Variants in FHIT observed in about 807,000 individuals in gnomAD.
FHIT encodes the protein fragile histidine triad diadenosine triphosphatase.
Under a neutral mutation model 17.9 loss-of-function variants are expected in FHIT, and 19 were observed. The ratio of observed to expected loss-of-function variants is 1.06; its 90% confidence interval spans 0.74 to 1.56. The LOEUF (loss-of-function observed/expected upper bound fraction) is 1.56. FHIT is among the 40% of genes most tolerant of loss of function. The probability of loss-of-function intolerance (pLI) is 0.00; values close to 1 mark genes in which losing one functional copy is unlikely to be tolerated. For synonymous variants in FHIT, 81 were observed against 69.7 expected (o/e 1.16, Z -0.81); for missense variants, 248 against 189.2 (o/e 1.31, Z -1.82).
intron 3 of FHIT, among the ~76,000 whole-genome samples, chr3:60,934,932 C>G (rs953714188): frequency 2.6e-5 from 4 of 152,110 alleles, no homozygotes; most frequent in Non-Finnish European, 5.9e-5. Context: ...GGAAAGTGCC[C>G]CTCCTGGCTC....
intron 5 of FHIT, among the ~76,000 whole-genome samples, chr3:60,147,176 A>T (rs1183313163): frequency 6.6e-6 from 1 of 152,174 alleles, no homozygotes; most frequent in East Asian, 1.9e-4. Context: ...AATGAATCCA[A>T]CCAGGAGGAA....
At chr3:59,935,440 A>C (rs1263163036) in intron 7 of FHIT, among the ~76,000 whole-genome samples, 2 of 152,080 alleles carry the variant, frequency 1.3e-5, no homozygotes, top group Non-Finnish European at 2.9e-5. Context: ...AGACTCTTTC[A>C]GGCTTTTCTG....
chr3:60,178,172 C>T (rs761666579), intron 5 of FHIT, among the ~76,000 whole-genome samples: 4 of 152,202 alleles, frequency 2.6e-5, no homozygotes, highest in Non-Finnish European at 5.9e-5. Flanking sequence ...AGAGCCAAGT[C>T]AACTTCCAAT....
intron 7 of FHIT, among the ~76,000 whole-genome samples, chr3:60,006,175 G>A (rs558574494): frequency 4.2e-4 from 64 of 152,246 alleles, no homozygotes; most frequent in African/African-American, 1.4e-3. Context: ...AAAAATGTTC[G>A]GACAGAGAGG....
intron 5 of FHIT, among the ~76,000 whole-genome samples, chr3:60,159,456 C>G (rs1167527014): frequency 6.6e-6 from 1 of 152,062 alleles, no homozygotes; most frequent in Non-Finnish European, 1.5e-5. Flanking sequence ...GTAAGATTCT[C>G]TCCCCCATAC....
chr3:61,020,260 G>C (rs1575849670), intron 3 of FHIT, among the ~76,000 whole-genome samples: 1 of 152,126 alleles, frequency 6.6e-6, no homozygotes, highest in East Asian at 1.9e-4. Context: ...TCTCATTGTA[G>C]TTCTGATTTG....
At chr3:60,410,876 T>C (rs142651810) in intron 5 of FHIT, among the ~76,000 whole-genome samples, 4 of 152,238 alleles carry the variant, frequency 2.6e-5, no homozygotes, top group African/African-American at 9.6e-5. Context: ...GCCCAAGATC[T>C]TTCTCTTTCC....
chr3:59,899,916 C>T (rs1479532860), intron 8 of FHIT, among the ~76,000 whole-genome samples: 7 of 152,148 alleles, frequency 4.6e-5, no homozygotes, highest in African/African-American at 1.2e-4. Flanking sequence ...AGTTGGCAAA[C>T]GTTTTCTATA....
chr3:60,525,152 G>A (rs975059957), intron 5 of FHIT, among the ~76,000 whole-genome samples: 16 of 152,120 alleles, frequency 1.1e-4, no homozygotes, highest in East Asian at 3.9e-4. Context: ...GGATCACTCC[G>A]GCTGCTGCCA....
intron 4 of FHIT, among the ~76,000 whole-genome samples, chr3:60,581,008 T>C (rs2037733037): frequency 6.6e-6 from 1 of 152,026 alleles, no homozygotes; most frequent in South Asian, 2.1e-4. Context: ...GATTGCATAG[T>C]TCTAATAGGA....
intron 2 of FHIT, among the ~76,000 whole-genome samples, chr3:61,192,575 T>C (rs1454801524): frequency 6.6e-6 from 1 of 152,180 alleles, no homozygotes; most frequent in East Asian, 1.9e-4. Flanking sequence ...AATTCCCCTA[T>C]TGTTTGAACC....
chr3:60,871,465 C>T (rs1205897732), intron 3 of FHIT, among the ~76,000 whole-genome samples: 1 of 152,096 alleles, frequency 6.6e-6, no homozygotes, highest in African/African-American at 2.4e-5. Context: ...GTCACCACAA[C>T]TTTTTCAGCA....
intron 4 of FHIT, among the ~76,000 whole-genome samples, chr3:60,558,965 T>C (rs1165766386): frequency 6.6e-6 from 1 of 152,154 alleles, no homozygotes; most frequent in Non-Finnish European, 1.5e-5. Flanking sequence ...ACTCTTTCAA[T>C]TAGGAGCATG....
intron 2 of FHIT, among the ~76,000 whole-genome samples, chr3:61,103,857 T>C (rs2035910288): frequency 6.6e-6 from 1 of 152,166 alleles, no homozygotes; most frequent in Non-Finnish European, 1.5e-5. Context: ...GTCTGTTTTA[T>C]CAGAGACTAG....
At chr3:60,170,054 A>C (rs946402470) in intron 5 of FHIT, among the ~76,000 whole-genome samples, 15 of 152,140 alleles carry the variant, frequency 9.9e-5, no homozygotes, top group African/African-American at 3.6e-4. Context: ...CACAGTTCAC[A>C]TGATTGGAGA....
At chr3:60,822,542 G>C (rs189412733) in intron 3 of FHIT, among the ~76,000 whole-genome samples, 10 of 152,188 alleles carry the variant, frequency 6.6e-5, no homozygotes, top group African/African-American at 2.2e-4. Flanking sequence ...GGTTTTTTTG[G>C]TCCCACTGGC....
At chr3:60,949,195 G>T (rs1575737854) in intron 3 of FHIT, among the ~76,000 whole-genome samples, 1 of 152,118 alleles carries the variant, frequency 6.6e-6, no homozygotes, top group Non-Finnish European at 1.5e-5. Flanking sequence ...GAAGGAAGGG[G>T]TCAGTAATCC....
chr3:60,054,705 G>C (rs1279381161), intron 5 of FHIT, among the ~76,000 whole-genome samples: 1 of 152,116 alleles, frequency 6.6e-6, no homozygotes, highest in African/African-American at 2.4e-5. Context: ...TAGGTGCTGG[G>C]TTAAGCACAG....
chr3:61,069,215 G>C (rs2034717460), intron 2 of FHIT, among the ~76,000 whole-genome samples: 1 of 152,160 alleles, frequency 6.6e-6, no homozygotes, highest in Non-Finnish European at 1.5e-5. Flanking sequence ...ACATATAATG[G>C]AATTGGGCTG....
Sources: gnomAD v4.1 joint callset for allele counts (sites outside exome capture counted in the v4.1 genomes callset) on GRCh38, gnomAD v4.1.1 for gene constraint, MANE v1.5 for transcripts, NCBI Gene and HGNC (gene_info 2026-07-23, HGNC 2026-07-21) for gene names.